GALNT14: variants seen among roughly 807,000 people sequenced by gnomAD.
The protein encoded by GALNT14 is UDP-GalNAc:polypeptide N-acetylgalactosaminyltransferase 14.
A neutral mutation model predicts 77.5 loss-of-function variants in GALNT14; 60 were observed. That is an observed-to-expected ratio of 0.77 (90% CI 0.63 to 0.96). The LOEUF (loss-of-function observed/expected upper bound fraction) is 0.96. Among genes scored for constraint, GALNT14 ranks in the 40% least tolerant of loss-of-function variants. The pLI, the probability that GALNT14 is intolerant of heterozygous loss-of-function variation, is 0.00. For synonymous variants in GALNT14, 280 were observed against 281.7 expected (o/e 0.99, Z 0.06); for missense variants, 710 against 731.0 (o/e 0.97, Z 0.33).
intron 2 of GALNT14, among the ~76,000 whole-genome samples, chr2:30,989,587 T>C (rs6753546): frequency 7.8e-6 from 1 of 129,002 alleles, no homozygotes; most frequent in Non-Finnish European, 1.6e-5. Context: ...TATATAAAAA[T>C]ATATATATTA....
At chr2:30,973,038 C>T (rs1668454822) in intron 2 of GALNT14, among the ~76,000 whole-genome samples, 1 of 152,246 alleles carries the variant, frequency 6.6e-6, no homozygotes, top group Admixed American at 6.5e-5. Flanking sequence ...ACTTCCAGCA[C>T]ACATTGCAGA....
downstream of GALNT14, among the ~76,000 whole-genome samples, chr2:30,906,331 C>T (rs991627643): frequency 6.7e-6 from 1 of 149,842 alleles, no homozygotes; most frequent in Middle Eastern, 3.4e-3. Flanking sequence ...TGCAGAGACA[C>T]ACATAAGCTC....
At chr2:30,963,971 C>G (rs908944957) in intron 3 of GALNT14, among the ~76,000 whole-genome samples, 18 of 152,140 alleles carry the variant, frequency 1.2e-4, no homozygotes, top group African/African-American at 4.3e-4. Context: ...AAGTCCTTGC[C>G]CTAAAGGAGC....
At chr2:30,964,462 C>T (rs1667877613) in intron 3 of GALNT14, among the ~76,000 whole-genome samples, 1 of 152,230 alleles carries the variant, frequency 6.6e-6, no homozygotes, top group South Asian at 2.1e-4. Flanking sequence ...CACACTTAAC[C>T]AGCCAGGCGC....
intron 1 of GALNT14, among the ~76,000 whole-genome samples, chr2:31,133,858 G>A (rs1679099850): frequency 6.6e-6 from 1 of 151,428 alleles, no homozygotes; most frequent in East Asian, 1.9e-4. Flanking sequence ...AATTGGGGGG[G>A]AGGCAGTAAA....
chr2:30,951,895 C>A (rs1177877834), intron 6 of GALNT14, among the ~76,000 whole-genome samples: 2 of 152,254 alleles, frequency 1.3e-5, no homozygotes, highest in East Asian at 3.9e-4. Flanking sequence ...GCATGGTCAG[C>A]AAACTGAGAG....
At chr2:30,949,658 G>A (rs10209534) in intron 6 of GALNT14, among the ~76,000 whole-genome samples, 50,718 of 152,098 alleles carry the variant, frequency 0.33, 8,583 homozygotes, top group East Asian at 0.51. Flanking sequence ...TCATTTCTCC[G>A]CTGAGTCATG....
chr2:30,960,564 C>T (rs541159297), intron 3 of GALNT14, among the ~76,000 whole-genome samples: 1 of 152,246 alleles, frequency 6.6e-6, no homozygotes, highest in East Asian at 1.9e-4. Context: ...GTTTTTGCTT[C>T]TCTAATCAGA....
chr2:31,115,518 T>A (rs1678062156), intron 1 of GALNT14, among the ~76,000 whole-genome samples: 1 of 152,144 alleles, frequency 6.6e-6, no homozygotes, highest in Non-Finnish European at 1.5e-5. Context: ...CACAGTTAAA[T>A]CTAATTAGGT....
intron 2 of GALNT14, among the ~76,000 whole-genome samples, chr2:30,989,581 T>TATATATAA (rs1384068782): frequency 2.8e-5 from 3 of 108,180 alleles, no homozygotes; most frequent in Admixed American, 9.6e-5. Flanking sequence ...TATATATATA[T>TATATATAA]AAAAATATAT....
chr2:31,013,194 T>G (rs1240534043), intron 1 of GALNT14, among the ~76,000 whole-genome samples: 1 of 152,094 alleles, frequency 6.6e-6, no homozygotes, highest in Non-Finnish European at 1.5e-5. Flanking sequence ...AGAGCAAAGG[T>G]GATCCAACAT....
intron 1 of GALNT14, among the ~76,000 whole-genome samples, chr2:31,091,857 G>A (rs1676759350): frequency 1.3e-5 from 2 of 152,148 alleles, no homozygotes; most frequent in African/African-American, 2.4e-5. Context: ...GTGTTGCCAA[G>A]GAGATGAACA....
chr2:30,975,035 G>A (rs1303790441), intron 2 of GALNT14, among the ~76,000 whole-genome samples: 1 of 152,180 alleles, frequency 6.6e-6, no homozygotes, highest in East Asian at 1.9e-4. Flanking sequence ...CAGTGATACA[G>A]CAAAGAGAGA....
Position 30,992,826 on chromosome 2 carries a change from A to G in GALNT14, c.299+12T>C. ...ACTGCGGGGGTAACAGAGTGGGAGA[A>G]GGAGGAAGTACCTCAGATGGCGAGT... is the stretch of plus-strand genomic sequence containing the variant. On this transcript the variant is annotated intron_variant, in intron 2 of 14. Coordinates refer to ENST00000349752, the MANE Select transcript of GALNT14 (RefSeq NM_024572.4). 1 of 1,611,604 alleles carries G rather than the reference A, an allele frequency of 6.2e-7. No homozygotes were observed. Among genetic ancestry groups the G allele is most frequent in the South Asian group, 1.1e-5 (1 of 90,970 alleles).
intron 1 of GALNT14, among the ~76,000 whole-genome samples, chr2:31,098,620 C>T (rs931731617): frequency 5.9e-5 from 9 of 151,986 alleles, no homozygotes; most frequent in African/African-American, 1.9e-4. Flanking sequence ...AGTATAAATG[C>T]GGTTGACCCT....
At chr2:30,956,036 T>C (rs1667350673) in intron 4 of GALNT14, 59 bp from the exon 5 acceptor site, 17 of 1,541,152 alleles carry the variant, frequency 1.1e-5, no homozygotes, top group South Asian at 8.9e-5. Context: ...CGTGTTACAA[T>C]TGTGTGCACT....
chr2:31,017,098 G>A lies in GALNT14; in HGVS notation c.130-24091C>T, dbSNP rs541599096. ...TCTAATTTGGACCCCAGTCTGTCTGGCCCATGCTCTTTCTGTTAATGCCAT... is the reference window on the plus strand; with the variant it reads ...TCTAATTTGGACCCCAGTCTGTCTGACCCATGCTCTTTCTGTTAATGCCAT... On this transcript the variant is annotated intron_variant, in intron 1 of 14. Coordinates refer to ENST00000349752, the MANE Select transcript of GALNT14 (RefSeq NM_024572.4). Among the ~76,000 whole-genome samples, 96 of 152,304 alleles carry A rather than the reference G, an allele frequency of 6.3e-4. 1 individual carries two copies. Among genetic ancestry groups the A allele is most frequent in the African/African-American group, 2.2e-3 (92 of 41,562 alleles).
chr2:31,081,842 C>T (rs539574156), intron 1 of GALNT14, among the ~76,000 whole-genome samples: 1 of 152,228 alleles, frequency 6.6e-6, no homozygotes, highest in South Asian at 2.1e-4. Flanking sequence ...TTGATTTAAT[C>T]GACTCTTCCT....
chr2:30,929,320 G>A, intron 11 of GALNT14, 75 bp downstream of exon 11: 1 of 1,144,222 alleles, frequency 8.7e-7, no homozygotes, highest in Non-Finnish European at 1.3e-6. Flanking sequence ...TGGCCTATCG[G>A]CACCCATTTG....
Sources: allele counts gnomAD v4.1 joint callset (sites outside exome capture counted in the v4.1 genomes callset), GRCh38; gene constraint gnomAD v4.1.1; transcripts MANE v1.5; gene names NCBI Gene and HGNC (gene_info 2026-07-23, HGNC 2026-07-21).